ENPP2: variants seen among roughly 807,000 people sequenced by gnomAD.
ENPP2 encodes the protein autotaxin.
In ENPP2, 51 loss-of-function variants were observed where a neutral mutation model predicts 120.2. The ratio of observed to expected loss-of-function variants is 0.42; its 90% CI spans 0.34 to 0.54. ENPP2 has a LOEUF of 0.54. ENPP2 is among the 20% of genes least tolerant of loss of function. ENPP2 has a pLI of 0.04. For synonymous variants in ENPP2, 365 were observed against 366.4 expected (o/e 1.00, Z 0.04); for missense variants, 920 against 1,066.5 (o/e 0.86, Z 1.91).
chr8:119,587,921 C>A (rs1813226008), intron 13 of ENPP2, among the ~76,000 whole-genome samples: 1 of 152,222 alleles, frequency 6.6e-6, no homozygotes, highest in Non-Finnish European at 1.5e-5. Flanking sequence ...TCCCTGGCAT[C>A]TAAATACCAG....
intron 10 of ENPP2, among the ~76,000 whole-genome samples, chr8:119,601,012 C>T (rs1317987818): frequency 6.6e-6 from 1 of 152,110 alleles, no homozygotes; most frequent in Non-Finnish European, 1.5e-5. Flanking sequence ...ATCCTTGACC[C>T]TCAAGATAAC....
chr8:119,588,023 C>T (rs1318938345), intron 13 of ENPP2, among the ~76,000 whole-genome samples: 1 of 152,076 alleles, frequency 6.6e-6, no homozygotes, highest in Non-Finnish European at 1.5e-5. Flanking sequence ...AATATTTGTT[C>T]ATATTTGTTA....
chr8:119,615,499 G>A (rs1815396796), intron 8 of ENPP2, among the ~76,000 whole-genome samples: 1 of 152,148 alleles, frequency 6.6e-6, no homozygotes, highest in Non-Finnish European at 1.5e-5. Context: ...AAAACATTAG[G>A]TAGAAAGCCA....
intron 2 of ENPP2, among the ~76,000 whole-genome samples, chr8:119,631,611 C>CA (rs993285999): frequency 4.0e-5 from 6 of 151,238 alleles, no homozygotes; most frequent in East Asian, 3.9e-4. Flanking sequence ...GATGAGTGTA[C>CA]AAAAAAAATA....
chr8:119,593,882 G>T (rs1813709794), intron 11 of ENPP2, 22 bp from the exon 12 acceptor site: 1 of 1,315,936 alleles, frequency 7.6e-7, no homozygotes, highest in Non-Finnish European at 1.1e-6. Context: ...AAGCAAGTTA[G>T]TCCCCACAGG....
At chr8:119,587,539 A>G (rs1309664657) in intron 13 of ENPP2, among the ~76,000 whole-genome samples, 2 of 152,102 alleles carry the variant, frequency 1.3e-5, no homozygotes, top group African/African-American at 4.8e-5. Flanking sequence ...CCATTGAGTT[A>G]TTTTTTTAAA....
rs1298855934 is a variant in ENPP2 at position 119,638,801 on chromosome 8, C to T, written c.-21G>A. On this transcript the variant is annotated 5_prime_UTR_variant, in exon 1 of 25. Transcript: ENST00000075322. The stretch of plus-strand genomic sequence containing the variant: ...GCCATGTCGAGGATTCTTGGAAAGC[C>T]TTTTGCAGCGTGTTCTCTTTGCCTT... 2 of 1,613,816 alleles carry T rather than the reference C, an allele frequency of 1.2e-6. No homozygotes were observed. Among genetic ancestry groups the T allele is most frequent in the African/African-American group, 1.3e-5 (1 of 74,932 alleles).
intron 2 of ENPP2, among the ~76,000 whole-genome samples, chr8:119,627,982 G>A (rs1816402263): frequency 6.6e-6 from 1 of 150,764 alleles, no homozygotes; most frequent in South Asian, 2.1e-4. Context: ...AGAAGACTCA[G>A]TGCAATCACA....
At chr8:119,600,006 CAAAAAAAAAAAAA>C (rs58150510) in intron 11 of ENPP2, among the ~76,000 whole-genome samples, 1 of 69,000 alleles carries the variant, frequency 1.4e-5, no homozygotes, top group African/African-American at 4.4e-5. Flanking sequence ...GACTCTGTCT[CAAAAAAAAAAAAA>C]AAAAAAAAGT....
chr8:119,575,890 T>C (rs1033989933), intron 19 of ENPP2, among the ~76,000 whole-genome samples: 1 of 152,174 alleles, frequency 6.6e-6, no homozygotes, highest in African/African-American at 2.4e-5. Context: ...CTATAAACAA[T>C]AAACAATTAC....
At chr8:119,646,770 C>A (rs1185080141) in intron 1 of ENPP2, among the ~76,000 whole-genome samples, 5 of 152,158 alleles carry the variant, frequency 3.3e-5, no homozygotes. Context: ...AATTAGAGAA[C>A]TATTTTCTGT....
At chr8:119,589,778 A>C (rs1036227957) in intron 13 of ENPP2, among the ~76,000 whole-genome samples, 6 of 152,162 alleles carry the variant, frequency 3.9e-5, no homozygotes, top group African/African-American at 1.2e-4. Context: ...AAAAACTCTA[A>C]AGAATTTTTT....
Position 119,601,386 on chromosome 8 carries a change from G to C in ENPP2, c.899+11C>G. ...ATGTACTGAAGAAAGAAGAAAGAGAGAAATAAATACCTCTCATGATCTGGC... is the reference window on the plus strand; with the variant it reads ...ATGTACTGAAGAAAGAAGAAAGAGACAAATAAATACCTCTCATGATCTGGC... On this transcript the variant is annotated intron_variant, in intron 10 of 24. Coordinates refer to ENST00000075322, the MANE Select transcript of ENPP2 (RefSeq NM_001040092.3). 1 of 1,562,040 alleles carries C rather than the reference G, an allele frequency of 6.4e-7. No homozygotes were observed. The highest frequency in any genetic ancestry group is 2.2e-5 in the East Asian group (1 of 44,588).
intron 19 of ENPP2, among the ~76,000 whole-genome samples, chr8:119,579,291 T>G (rs1487662536): frequency 6.6e-6 from 1 of 152,064 alleles, no homozygotes; most frequent in East Asian, 1.9e-4. Context: ...GTGGAAAAAA[T>G]GTACTTCCCT....
At chr8:119,561,381 A>G (rs1482391543) in intron 24 of ENPP2, among the ~76,000 whole-genome samples, 2 of 152,332 alleles carry the variant, frequency 1.3e-5, no homozygotes, top group East Asian at 1.9e-4. Flanking sequence ...TGTTTCTCCT[A>G]GAGTAGCTTA....
At chr8:119,669,814 A>G (rs1192419856) in intron 1 of ENPP2, among the ~76,000 whole-genome samples, 1 of 152,226 alleles carries the variant, frequency 6.6e-6, no homozygotes, top group African/African-American at 2.4e-5. Flanking sequence ...AACAACTTCA[A>G]GTTTAAATAA....
chr8:119,603,527 C>T (rs1814466127), intron 9 of ENPP2, among the ~76,000 whole-genome samples: 1 of 152,090 alleles, frequency 6.6e-6, no homozygotes, highest in Non-Finnish European at 1.5e-5. Flanking sequence ...GGTGATAAGA[C>T]TTGGCAAGTT....
At position 119,621,497 on chromosome 8, in the gene ENPP2, C is replaced by T. The variant is rs376820440; in HGVS notation, c.315G>A (p.Lys105=). ...CATTTCTGACTTCTCCACATCTGTC[C>T]TTAGTACACTCCCAGCCACGGGCTA... is the stretch of plus-strand genomic sequence containing the variant. The part of the protein sequence containing the change: ...LKTARGWECT[K]DRCGEVRNEE... The change falls in exon 4 of 25, where the codon AAG becomes AAA. Residue 105 remains lysine, a synonymous_variant. Transcript: ENST00000075322. 17 of 1,613,402 alleles carry T rather than the reference C, an allele frequency of 1.1e-5. No homozygotes were observed. Among genetic ancestry groups the T allele is most frequent in the East Asian group, 2.2e-5 (1 of 44,838 alleles).
At chr8:119,605,430 A>ATG (rs573767269) in intron 9 of ENPP2, among the ~76,000 whole-genome samples, 3,199 of 133,786 alleles carry the variant, frequency 0.024, 45 homozygotes, top group Middle Eastern at 0.031. Flanking sequence ...GATACCATAT[A>ATG]TGTGTGTGTG....
Sources: allele counts gnomAD v4.1 joint callset (sites outside exome capture counted in the v4.1 genomes callset), GRCh38; gene constraint gnomAD v4.1.1; transcripts MANE v1.5; gene names NCBI Gene and HGNC (gene_info 2026-07-23, HGNC 2026-07-21).